Variants in AMOTL1 observed in about 807,000 individuals in gnomAD.
The protein encoded by AMOTL1 is angiomotin-like protein 1.
Under a neutral mutation model 102.9 loss-of-function variants are expected in AMOTL1, and 45 were observed. That is an observed-to-expected ratio of 0.44 (90% CI 0.34 to 0.56). AMOTL1 has a LOEUF of 0.56. Among genes scored for constraint, AMOTL1 ranks in the 20% least tolerant of loss-of-function variants. The pLI is 0.01. For missense variants in AMOTL1, 1,114 were observed against 1,225.6 expected (o/e 0.91, Z 1.36); for synonymous variants, 481 against 484.7 (o/e 0.99, Z 0.10).
chr11:94,784,485 T>C (rs1248664063), intron 1 of AMOTL1, among the ~76,000 whole-genome samples: 4 of 152,328 alleles, frequency 2.6e-5, no homozygotes, highest in Admixed American at 2.6e-4. Context: ...ATATAAAATA[T>C]AGGACACTAA....
At chr11:94,811,769 G>C (rs940869308) in intron 3 of AMOTL1, among the ~76,000 whole-genome samples, 4 of 152,160 alleles carry the variant, frequency 2.6e-5, no homozygotes, top group Non-Finnish European at 5.9e-5. Flanking sequence ...GCACTTTAAA[G>C]TTAAGGAGAA....
intron 3 of AMOTL1, among the ~76,000 whole-genome samples, chr11:94,743,651 C>CTTTTTTTTTTTT (rs760828820): frequency 1.1e-4 from 11 of 98,160 alleles, no homozygotes; most frequent in Admixed American, 3.7e-4. Flanking sequence ...CACAATACTT[C>CTTTTTTTTTTTT]TTTTTTTTTT....
chr11:94,784,131 C>G (rs575271866), intron 1 of AMOTL1, among the ~76,000 whole-genome samples: 44 of 152,236 alleles, frequency 2.9e-4, no homozygotes, highest in Middle Eastern at 6.8e-3. Flanking sequence ...CTTTCTGTGT[C>G]TTTCTTCCCT....
intron 12 of AMOTL1, among the ~76,000 whole-genome samples, chr11:94,870,349 T>A (rs151292390): frequency 1.1e-3 from 162 of 152,324 alleles, no homozygotes; most frequent in African/African-American, 3.8e-3. Flanking sequence ...TTTAAAGATG[T>A]GATTCTTTTC....
At chr11:94,752,596 G>T (rs1187490861) in intron 3 of AMOTL1, among the ~76,000 whole-genome samples, 1 of 152,146 alleles carries the variant, frequency 6.6e-6, no homozygotes, top group East Asian at 1.9e-4. Context: ...TTCCCCCTGT[G>T]ACCTTTGTAC....
intron 3 of AMOTL1, among the ~76,000 whole-genome samples, chr11:94,819,679 T>C (rs192197812): frequency 2.0e-5 from 3 of 152,278 alleles, no homozygotes; most frequent in Admixed American, 2.0e-4. Context: ...CATGTCTCCC[T>C]AACGTGTATG....
At chr11:94,850,653 C>T (rs572126330) in intron 7 of AMOTL1, among the ~76,000 whole-genome samples, 9 of 152,242 alleles carry the variant, frequency 5.9e-5, no homozygotes, top group African/African-American at 1.7e-4. Context: ...TGACCATTTC[C>T]GAGGTCCAAG....
chr11:94,799,723 C>G lies in AMOTL1; in HGVS notation c.533C>G (p.Ser178Cys). The change falls in exon 3 of 13, where the codon TCC becomes TGC. Residue 178 changes from serine (S) to cysteine (C), a missense_variant. Coordinates refer to ENST00000433060, the MANE Select transcript of AMOTL1 (RefSeq NM_130847.3). This position sits in a 1 kb window ranked among gnomAD's most constrained non-coding sequence, Gnocchi z 4.5. ...ACGGTGATGGAGAAACAGGTCCGGTCCACGCAGCCTCAGCAGAACAACGAG... is the reference window on the plus strand; with the variant it reads ...ACGGTGATGGAGAAACAGGTCCGGTGCACGCAGCCTCAGCAGAACAACGAG... ...DNTVMEKQVR[S>C]TQPQQNNEEL... The G allele has an allele frequency of 2.5e-6, 4 of 1,613,540 alleles. No individual in the cohort carries two copies. Among genetic ancestry groups the G allele is most frequent in the Non-Finnish European group, 2.5e-6 (3 of 1,179,702 alleles).
chr11:94,855,665 T>C (rs1350882305), intron 8 of AMOTL1, among the ~76,000 whole-genome samples: 2 of 152,220 alleles, frequency 1.3e-5, no homozygotes, highest in Admixed American at 6.5e-5. Flanking sequence ...TTCTGAGTGC[T>C]GTGAAACCAG....
chr11:94,841,918 A>G (rs937285948), intron 6 of AMOTL1, among the ~76,000 whole-genome samples: 3 of 152,338 alleles, frequency 2.0e-5, no homozygotes, highest in South Asian at 4.1e-4. Flanking sequence ...AGTCAAATAA[A>G]TATTTTACCA....
At chr11:94,819,661 G>T (rs779901747) in intron 3 of AMOTL1, among the ~76,000 whole-genome samples, 1 of 152,020 alleles carries the variant, frequency 6.6e-6, no homozygotes, top group African/African-American at 2.4e-5. Flanking sequence ...TTGACGTCTC[G>T]TGTCTCTCAT....
Position 94,873,765 on chromosome 11 carries a change from G to A in AMOTL1, c.*2970G>A, listed in dbSNP as rs1000957700. The A allele has an allele frequency of 6.9e-6, 1 of 145,132 alleles. No homozygotes were observed. The highest frequency in any genetic ancestry group is 2.6e-5 in the African/African-American group (1 of 38,454). 9.0% of individuals were successfully genotyped at this position (145,132 alleles called of 1,614,324 possible). A position where few individuals can be genotyped will look rare whatever the true frequency, so the allele number is the denominator to read the frequency against. ...CTATGCCTGTCTGTGATGTGTGTGT[G>A]CACGTGTAACTACACACACACACAC... On this transcript the variant is annotated 3_prime_UTR_variant, in exon 13 of 13. Transcript: ENST00000433060.
intron 3 of AMOTL1, among the ~76,000 whole-genome samples, chr11:94,802,260 G>A (rs975682742): frequency 1.3e-5 from 2 of 152,176 alleles, no homozygotes; most frequent in African/African-American, 4.8e-5. Context: ...GCATCACAGT[G>A]ATTTACCACA....
intron 6 of AMOTL1, among the ~76,000 whole-genome samples, 157 bp from the exon 7 acceptor site, chr11:94,849,957 C>T: frequency 6.6e-6 from 1 of 152,140 alleles, no homozygotes; most frequent in Non-Finnish European, 1.5e-5. Context: ...CATTACCTTC[C>T]ATACCACCAC....
chr11:94,848,322 A>AGGGGCAGTGCAGT (rs1435660340), intron 6 of AMOTL1, among the ~76,000 whole-genome samples: 1 of 152,108 alleles, frequency 6.6e-6, no homozygotes. Context: ...GAAAGGAAGA[A>AGGGGCAGTGCAGT]GGGGCAGTGC....
Position 94,768,532 on chromosome 11 carries a change from C to A in AMOTL1, c.21C>A (p.Arg7=). 1 of 1,602,100 alleles carries A rather than the reference C, an allele frequency of 6.2e-7. No homozygotes were observed. Among genetic ancestry groups the A allele is most frequent in the Non-Finnish European group, 8.5e-7 (1 of 1,174,810 alleles). Residue 7 remains arginine (R), a synonymous_variant, in exon 1 of 13, where the codon CGC becomes CGA. Transcript: ENST00000433060. MWRAKL[R]RGTCEPAVKG... is the part of the protein sequence containing the mutation. ...GCCTCATGTGGAGGGCAAAGTTGCG[C>A]CGGGGAACTTGTGAGCCTGCGGTGA...
chr11:94,764,541 CA>C (rs1265770283), upstream of AMOTL1, among the ~76,000 whole-genome samples: 2 of 152,114 alleles, frequency 1.3e-5, no homozygotes, highest in African/African-American at 4.8e-5. Flanking sequence ...GGAGAACTAC[CA>C]GTTGTAGCGA....
chr11:94,831,605 A>C, intron 6 of AMOTL1, 64 bp downstream of exon 6: 1 of 1,384,950 alleles, frequency 7.2e-7, no homozygotes, highest in Non-Finnish European at 1.0e-6. Context: ...CTGAAGGAAG[A>C]ATCATATTAG....
At position 94,869,398 on chromosome 11, in the gene AMOTL1, G is replaced by A. The variant is rs750475731; in HGVS notation, c.2689G>A (p.Gly897Ser). 45 of 1,605,260 alleles carry A rather than the reference G, an allele frequency of 2.8e-5. No individual in the cohort carries two copies. The highest frequency in any genetic ancestry group is 8.0e-5 in the African/African-American group (6 of 74,658). ...WPSMASLPSR[G>S]RLSTTPAHSP... Reference sequence around the variant, plus strand: ...CAGCATGGCCTCCCTTCCCAGCCGCGGCCGGCTGAGCACGACCCCTGCTCA... The same window carrying A: ...CAGCATGGCCTCCCTTCCCAGCCGCAGCCGGCTGAGCACGACCCCTGCTCA... The change falls in exon 12 of 13, where the codon GGC becomes AGC. Residue 897 changes from glycine to serine, a missense_variant. Transcript: ENST00000433060.
Sources: gnomAD v4.1 joint callset for allele counts (sites outside exome capture counted in the v4.1 genomes callset) on GRCh38, gnomAD v4.1.1 for gene constraint, Gnocchi (gnomAD v3.1) non-coding constraint, MANE v1.5 for transcripts, NCBI Gene and HGNC (gene_info 2026-07-23, HGNC 2026-07-21) for gene names.